Variants in AKAP12 observed in about 807,000 individuals in gnomAD.
AKAP12 encodes A-kinase anchor protein 12.
In AKAP12, 32 loss-of-function variants were observed where a neutral mutation model predicts 79.9. The ratio of observed to expected loss-of-function variants is 0.40; its 90% CI spans 0.30 to 0.54. The LOEUF is 0.54. AKAP12 is among the 20% of genes least tolerant of loss of function. The probability of loss-of-function intolerance (pLI) is 0.48; values close to 1 mark genes in which losing one functional copy is unlikely to be tolerated. For missense variants in AKAP12, 2,074 were observed against 2,177.0 expected, an observed-to-expected ratio of 0.95 and a Z score of 0.94; for synonymous variants, 808 against 857.0, an observed-to-expected ratio of 0.94 and a Z score of 1.00.
intron 2 of AKAP12, among the ~76,000 whole-genome samples, chr6:151,246,538 T>G (rs1169448999): frequency 6.6e-6 from 1 of 152,218 alleles, no homozygotes; most frequent in Non-Finnish European, 1.5e-5. Flanking sequence ...ATGCTTTGCC[T>G]TCATGGGTAT....
chr6:151,255,449 C>G (rs535203523), intron 2 of AKAP12, among the ~76,000 whole-genome samples: 2 of 152,042 alleles, frequency 1.3e-5, no homozygotes, highest in African/African-American at 4.8e-5. Flanking sequence ...GCGTGAGCCA[C>G]CGCGCCTGGC....
intron 2 of AKAP12, among the ~76,000 whole-genome samples, chr6:151,302,391 C>T (rs955622339): frequency 8.5e-5 from 13 of 152,054 alleles, no homozygotes; most frequent in African/African-American, 3.1e-4. Context: ...AACTTTTGGG[C>T]TCAAGCAATC....
At chr6:151,296,703 G>C (rs568391994) in intron 2 of AKAP12, among the ~76,000 whole-genome samples, 68 of 152,306 alleles carry the variant, frequency 4.5e-4, no homozygotes, top group African/African-American at 1.6e-3. Context: ...CTGGACCCCG[G>C]GAGGTGGAGG....
chr6:151,342,251 TGAA>T (rs1777971487), intron 3 of AKAP12, among the ~76,000 whole-genome samples: 1 of 152,234 alleles, frequency 6.6e-6, no homozygotes, highest in South Asian at 2.1e-4. Flanking sequence ...ATGGGGAGTG[TGAA>T]GCCCAGTGAT....
At chr6:151,319,468 T>TCTAC (rs1777313729) in intron 3 of AKAP12, among the ~76,000 whole-genome samples, 1 of 142,866 alleles carries the variant, frequency 7.0e-6, no homozygotes, top group East Asian at 2.1e-4. Flanking sequence ...TATCTATCTA[T>TCTAC]CTATCTATCT....
At chr6:151,243,885 A>G (rs1248469274) in intron 2 of AKAP12, among the ~76,000 whole-genome samples, 1 of 152,184 alleles carries the variant, frequency 6.6e-6, no homozygotes, top group African/African-American at 2.4e-5. Context: ...TAAGGTGGCA[A>G]CATATTCAGG....
chr6:151,255,219 G>A (rs533071658), intron 2 of AKAP12, among the ~76,000 whole-genome samples: 20 of 151,832 alleles, frequency 1.3e-4, no homozygotes, highest in Non-Finnish European at 2.8e-4. Flanking sequence ...AGGCTGGAGT[G>A]CAGTGGCACG....
chr6:151,279,608 TTCTC>T (rs907199966), intron 2 of AKAP12, among the ~76,000 whole-genome samples: 1 of 152,122 alleles, frequency 6.6e-6, no homozygotes, highest in Non-Finnish European at 1.5e-5. Flanking sequence ...AAAATTTACT[TTCTC>T]TCTGTTTCTT....
intron 2 of AKAP12, among the ~76,000 whole-genome samples, chr6:151,244,731 G>A (rs1457737298): frequency 6.6e-6 from 1 of 152,196 alleles, no homozygotes; most frequent in Non-Finnish European, 1.5e-5. Flanking sequence ...ATAGAGGGAT[G>A]TTTCTCTGTG....
chr6:151,344,779 C>T (rs1778045315), intron 3 of AKAP12, among the ~76,000 whole-genome samples: 1 of 152,166 alleles, frequency 6.6e-6, no homozygotes. Context: ...AATGATCCAC[C>T]TGCCTGGACC....
intron 2 of AKAP12, among the ~76,000 whole-genome samples, chr6:151,257,535 G>A (rs371484802): frequency 3.3e-5 from 5 of 152,076 alleles, no homozygotes; most frequent in African/African-American, 9.7e-5. Flanking sequence ...GACCTCAAGC[G>A]ATCCACCCAC....
intron 2 of AKAP12, among the ~76,000 whole-genome samples, chr6:151,243,878 G>A (rs1005068726): frequency 1.3e-5 from 2 of 152,092 alleles, no homozygotes; most frequent in African/African-American, 4.8e-5. Context: ...AAAATATTAA[G>A]GTGGCAACAT....
intron 3 of AKAP12, among the ~76,000 whole-genome samples, chr6:151,332,327 C>T (rs758184577): frequency 1.4e-4 from 21 of 152,236 alleles, no homozygotes; most frequent in Non-Finnish European, 2.6e-4. Flanking sequence ...TGAGCCACCG[C>T]GCCCGGCCCA....
intron 2 of AKAP12, among the ~76,000 whole-genome samples, chr6:151,268,630 T>C (rs1776105870): frequency 6.6e-6 from 1 of 152,108 alleles, no homozygotes; most frequent in Non-Finnish European, 1.5e-5. Flanking sequence ...ACTTGTGGTT[T>C]TTTGTTTGTT....
chr6:151,346,008 A>G (rs986478296), intron 3 of AKAP12, among the ~76,000 whole-genome samples: 1 of 151,560 alleles, frequency 6.6e-6, no homozygotes, highest in Non-Finnish European at 1.5e-5. Flanking sequence ...GTCATTGTAT[A>G]TACTGTTTGG....
At chr6:151,338,638 A>C (rs1226004160) in intron 3 of AKAP12, among the ~76,000 whole-genome samples, 1 of 151,716 alleles carries the variant, frequency 6.6e-6, no homozygotes, top group African/African-American at 2.4e-5. Flanking sequence ...GTGTTTAGAG[A>C]CTGGGTTTCA....
chr6:151,336,728 G>GCGAGACT, intron 3 of AKAP12, among the ~76,000 whole-genome samples: 2 of 152,336 alleles, frequency 1.3e-5, no homozygotes, highest in Non-Finnish European at 2.9e-5. Flanking sequence ...GGGCGACAGA[G>GCGAGACT]CGAGACTCTG....
intron 3 of AKAP12, among the ~76,000 whole-genome samples, chr6:151,339,046 T>G (rs1253148886): frequency 6.6e-6 from 1 of 152,246 alleles, no homozygotes; most frequent in Admixed American, 6.5e-5. Context: ...GTAGGATTTA[T>G]GCACTCTTTT....
chr6:151,334,208 T>C (rs562750810), intron 3 of AKAP12, among the ~76,000 whole-genome samples: 1 of 152,308 alleles, frequency 6.6e-6, no homozygotes, highest in South Asian at 2.1e-4. Context: ...GACATACTAT[T>C]ATGTGCTCCT....
Sources: allele counts gnomAD v4.1 joint callset (sites outside exome capture counted in the v4.1 genomes callset), GRCh38; gene constraint gnomAD v4.1.1; transcripts MANE v1.5; gene names NCBI Gene and HGNC (gene_info 2026-07-23, HGNC 2026-07-21).